Variants in SPARC observed in about 807,000 individuals in gnomAD.
The protein encoded by SPARC is secreted protein acidic and cysteine rich, also known as basement-membrane protein 40.
Under a neutral mutation model 37.7 loss-of-function variants are expected in SPARC, and 23 were observed. That is an observed-to-expected ratio of 0.61 (90% CI 0.44 to 0.87). The LOEUF (loss-of-function observed/expected upper bound fraction) is 0.87, where lower values mean the gene tolerates loss of function less well. Among genes scored for constraint, SPARC ranks in the 40% least tolerant of loss-of-function variants. The pLI is 0.00. For synonymous variants in SPARC, 155 were observed against 150.8 expected (o/e 1.03, Z -0.20); for missense variants, 312 against 389.0 (o/e 0.80, Z 1.66).
chr5:151,674,823 T>C lies in SPARC; in HGVS notation c.58-149A>G, dbSNP rs1581526602. The C allele has an allele frequency of 1.9e-5, 13 of 691,076 alleles. No homozygotes were observed. The East Asian group carries it at 3.4e-4, about 18-fold the overall frequency. 42.8% of individuals were successfully genotyped at this position (691,076 alleles called of 1,614,324 possible). ...AGTTGTGCCTCATGGACTGCCATGG[T>C]GAGGGACAGAACAAAGAAGAAGCCA... On this transcript the variant is annotated intron_variant, in intron 2 of 9. Coordinates refer to ENST00000231061, the MANE Select transcript of SPARC (RefSeq NM_003118.4).
chr5:151,671,656 A>C lies in SPARC; in HGVS notation c.247T>G (p.Cys83Gly), dbSNP rs1760751149. The C allele has an allele frequency of 3.1e-6, 5 of 1,613,088 alleles. No homozygotes were observed. The highest frequency in any genetic ancestry group is 4.2e-6 in the Non-Finnish European group (5 of 1,179,518). ...QNHHCKHGKV[C>G]ELDENNTPMC... ...GGGGTGTTGTTCTCATCCAGCTCGC[A>C]CACCTTGCCGTGTTTGCAGTGGTGG... Residue 83 changes from cysteine (C) to glycine (G), a missense_variant, in exon 5 of 10, where the codon TGC becomes GGC. Cys to Gly is a radical substitution (Grantham distance 159, BLOSUM62 -3). Coordinates refer to ENST00000231061, the MANE Select transcript of SPARC (RefSeq NM_003118.4).
At position 151,664,199 on chromosome 5, in the gene SPARC, A is replaced by G. The variant is rs1235841133; in HGVS notation, c.771T>C (p.Ala257=). 12 of 1,613,966 alleles carry G rather than the reference A, an allele frequency of 7.4e-6. No homozygotes were observed. In the Admixed American group the frequency reaches 2.0e-4, roughly 27 times the overall value. ...LSHTELAPLR[A]PLIPMEHCTT... Reference sequence around the variant, plus strand: ...TGCAATGCTCCATGGGGATGAGGGGAGCACGCAGTGGAGCCAGCTCGGTGT... The same window carrying G: ...TGCAATGCTCCATGGGGATGAGGGGGGCACGCAGTGGAGCCAGCTCGGTGT... Residue 257 remains alanine (A), a synonymous_variant, in exon 9 of 10, where the codon GCT becomes GCC. Coordinates refer to ENST00000231061, the MANE Select transcript of SPARC (RefSeq NM_003118.4).
At position 151,663,357 on chromosome 5, in the gene SPARC, G is replaced by A. The variant is rs184311539; in HGVS notation, c.*214C>T. 3 of 573,898 alleles carry A rather than the reference G, an allele frequency of 5.2e-6. No individual in the cohort carries two copies. In the East Asian group the frequency reaches 8.9e-5, roughly 17 times the overall value. The allele number at this position is 573,898 out of a possible 1,614,324, so 35.6% of individuals were successfully genotyped here. On this transcript the variant is annotated 3_prime_UTR_variant, in exon 10 of 10. Coordinates refer to ENST00000231061, the MANE Select transcript of SPARC (RefSeq NM_003118.4). ...GCAAGAGAAAAATGGGACTATTAAT[G>A]CGTGTGGAAAAGGCCTTAATAGTTA...
chr5:151,661,961 C>T lies in SPARC; in HGVS notation c.*1610G>A, dbSNP rs940524531. 2.0e-5 allele frequency: 3 copies of T among 152,228 alleles called. No homozygotes were observed. Among genetic ancestry groups the T allele is most frequent in the Non-Finnish European group, 2.9e-5 (2 of 68,044 alleles). 9.4% of individuals were successfully genotyped at this position (152,228 alleles called of 1,614,324 possible). A position where few individuals can be genotyped will look rare whatever the true frequency, so the allele number is the denominator to read the frequency against. On this transcript the variant is annotated 3_prime_UTR_variant, in exon 10 of 10. Transcript: ENST00000231061. ...TACTCTCCCTTCATCACACCTGTGA[C>T]ATCTTGCAATTTATATTTGATTGTG...
At chr5:151,663,713 T>G (rs1426466899) in intron 9 of SPARC, 114 bp from the exon 10 acceptor site, 1 of 1,004,668 alleles carries the variant, frequency 1.0e-6, no homozygotes, top group Non-Finnish European at 1.6e-6. Context: ...TAGGTGGCCA[T>G]GCAAGGTCAC....
chr5:151,686,752 A>C (rs1205622729), intron 1 of SPARC, 113 bp downstream of exon 1: 1 of 152,226 alleles, frequency 6.6e-6, no homozygotes, highest in Non-Finnish European at 1.5e-5. Context: ...CCGGGAGGAG[A>C]GGCGCATCCT....
In SPARC at chr5:151,664,228, A is replaced by C; in HGVS notation, c.742T>G (p.Ser248Ala). 6.2e-7 allele frequency: 1 copy of C among 1,613,754 alleles called. No homozygotes were observed. The change falls in exon 9 of 10, where the codon TCC becomes GCC. Residue 248 changes from serine to alanine, a missense_variant. Physicochemically the swap from Ser to Ala is moderately conservative, Grantham distance 99. Coordinates refer to ENST00000231061, the MANE Select transcript of SPARC (RefSeq NM_003118.4). ...LDQHPIDGYLSHTELAPLRAP... is the reference protein window; with the variant it reads ...LDQHPIDGYLAHTELAPLRAP... ...CGCAGTGGAGCCAGCTCGGTGTGGG[A>C]GAGGTACCTGCAGGGAAGGAGGCAG...
At chr5:151,672,193 G>A (rs769793891) in intron 4 of SPARC, among the ~76,000 whole-genome samples, 1 of 152,210 alleles carries the variant, frequency 6.6e-6, no homozygotes, top group Admixed American at 6.5e-5. Context: ...ATAGAGCCTG[G>A]TAAACACCGG....
chr5:151,667,238 G>A (rs566592311), intron 7 of SPARC, among the ~76,000 whole-genome samples: 3 of 152,292 alleles, frequency 2.0e-5, no homozygotes, highest in Non-Finnish European at 4.4e-5. Context: ...TTTGTTTAAC[G>A]TTAGGTTAAG....
chr5:151,685,105 G>A (rs1761101596), intron 1 of SPARC: 1 of 152,190 alleles, frequency 6.6e-6, no homozygotes, highest in African/African-American at 2.4e-5. Context: ...GTCAGGCAGA[G>A]AAGAGCCTTC....
At chr5:151,677,463 G>C (rs990251410) in intron 1 of SPARC, among the ~76,000 whole-genome samples, 4 of 152,152 alleles carry the variant, frequency 2.6e-5, no homozygotes, top group Non-Finnish European at 4.4e-5. Context: ...ACCAAATGGT[G>C]GTGGGAGGTA....
chr5:151,681,500 T>G (rs1375441802), intron 1 of SPARC, among the ~76,000 whole-genome samples: 1 of 152,266 alleles, frequency 6.6e-6, no homozygotes, highest in Non-Finnish European at 1.5e-5. Flanking sequence ...CAATGAAGTC[T>G]TCTGCAGAGT....
At chr5:151,664,285 C>T in intron 8 of SPARC, 50 bp from the exon 9 acceptor site, 1 of 1,581,086 alleles carries the variant, frequency 6.3e-7, no homozygotes, top group Non-Finnish European at 8.6e-7. Flanking sequence ...AAGCTCCACA[C>T]CCAGCCTTGG....
chr5:151,673,046 G>T, intron 4 of SPARC, 83 bp downstream of exon 4: 2 of 919,162 alleles, frequency 2.2e-6, no homozygotes, highest in Non-Finnish European at 1.8e-6. Flanking sequence ...GCTGGAAGGA[G>T]CCTCATGTAG....
chr5:151,671,978 C>T, intron 4 of SPARC: 1 of 398,542 alleles, frequency 2.5e-6, no homozygotes, highest in Non-Finnish European at 4.5e-6. Flanking sequence ...TACCATATGG[C>T]TTTCCTGAAG....
At chr5:151,678,464 G>A (rs1760912086) in intron 1 of SPARC, among the ~76,000 whole-genome samples, 1 of 152,154 alleles carries the variant, frequency 6.6e-6, no homozygotes, top group African/African-American at 2.4e-5. Context: ...GTCTTATAGT[G>A]CTGCTTCATA....
In SPARC at chr5:151,684,540, T is replaced by A. The variant is rs150901464; in HGVS notation, c.-14+2325A>T. 5.1e-4 allele frequency among the ~76,000 whole-genome samples: 77 copies of A among 151,634 alleles called. No homozygotes were observed. In the East Asian group the frequency reaches 0.014, roughly 27 times the overall value. On this transcript the variant is annotated intron_variant, in intron 1 of 9. Transcript: ENST00000231061. Reference sequence around the variant, plus strand: ...TAAACAATATTATGATTTTAAAATTTTTCCTGTCAGTACTTCTAGTAAAGG... The same window carrying A: ...TAAACAATATTATGATTTTAAAATTATTCCTGTCAGTACTTCTAGTAAAGG...
At chr5:151,664,822 A>T (rs749563838) in intron 8 of SPARC, among the ~76,000 whole-genome samples, 2 of 152,142 alleles carry the variant, frequency 1.3e-5, no homozygotes, top group Non-Finnish European at 2.9e-5. Context: ...TTGCTTGTGT[A>T]TCCTGTAATG....
chr5:151,669,874 T>A, intron 5 of SPARC, 90 bp from the exon 6 acceptor site: 1 of 1,529,486 alleles, frequency 6.5e-7, no homozygotes, highest in African/African-American at 1.4e-5. Context: ...ATGGGGACAC[T>A]GAGGGTTAAG....
Sources: gnomAD v4.1 joint callset for allele counts (sites outside exome capture counted in the v4.1 genomes callset) on GRCh38, gnomAD v4.1.1 for gene constraint, MANE v1.5 for transcripts, NCBI Gene and HGNC (gene_info 2026-07-23, HGNC 2026-07-21) for gene names.